The following STAMBP variants were observed in gnomAD, a reference collection of about 807,000 sequenced individuals.
STAMBP encodes the protein STAM binding protein, also known as STAM-binding protein.
Under a neutral mutation model 50.7 loss-of-function variants are expected in STAMBP, and 31 were observed. The ratio of observed to expected loss-of-function variants is 0.61; its 90% CI spans 0.46 to 0.83. The LOEUF (loss-of-function observed/expected upper bound fraction) is 0.83, where lower values mean the gene tolerates loss of function less well. Among genes scored for constraint, STAMBP ranks in the 40% least tolerant of loss-of-function variants. The probability of loss-of-function intolerance (pLI) is 0.00; values close to 1 mark genes in which losing one functional copy is unlikely to be tolerated. For synonymous variants in STAMBP, 211 were observed against 192.4 expected, an observed-to-expected ratio of 1.10 and a Z score of -0.80; for missense variants, 472 against 518.9, an observed-to-expected ratio of 0.91 and a Z score of 0.88.
At position 73,847,586 on chromosome 2, in the gene STAMBP, T is replaced by C; in HGVS notation, c.575T>C (p.Leu192Pro). ...GAGTTTGGGAAGGTAGACCCTGGCC[T>C]AGGTGGCCCGCTAGTGCCTGACTTG... is the stretch of plus-strand genomic sequence containing the variant. ...VQEFGKVDPG[L>P]GGPLVPDLEK... The change falls in exon 5 of 10, where the codon CTA becomes CCA. Residue 192 changes from leucine to proline, a missense_variant. Coordinates refer to ENST00000394070, the MANE Select transcript of STAMBP (RefSeq NM_213622.4). 6.2e-7 allele frequency: 1 copy of C among 1,614,196 alleles called. No individual in the cohort carries two copies. Among genetic ancestry groups the C allele is most frequent in the East Asian group, 2.2e-5 (1 of 44,888 alleles).
chr2:73,838,436 A>G (rs1389098070), intron 2 of STAMBP, among the ~76,000 whole-genome samples: 1 of 152,186 alleles, frequency 6.6e-6, no homozygotes, highest in Non-Finnish European at 1.5e-5. Context: ...GAAGTAGTTG[A>G]TGGGGGACAA....
At chr2:73,846,217 C>T (rs1321963406) in intron 4 of STAMBP, among the ~76,000 whole-genome samples, 1 of 151,680 alleles carries the variant, frequency 6.6e-6, no homozygotes, top group African/African-American at 2.4e-5. Context: ...CCAAATGCCT[C>T]TCAAGTATTT....
At chr2:73,855,465 G>C (rs1481815262) in intron 7 of STAMBP, among the ~76,000 whole-genome samples, 1 of 152,224 alleles carries the variant, frequency 6.6e-6, no homozygotes, top group Non-Finnish European at 1.5e-5. Flanking sequence ...TTCTGTTTAA[G>C]AGTTGTTTAC....
intron 2 of STAMBP, among the ~76,000 whole-genome samples, chr2:73,836,905 C>T (rs565494921): frequency 1.8e-4 from 27 of 152,244 alleles, no homozygotes; most frequent in African/African-American, 5.8e-4. Flanking sequence ...ACTAGGTCCC[C>T]GGGGCTCAGG....
intron 2 of STAMBP, among the ~76,000 whole-genome samples, chr2:73,841,376 T>TA (rs895142689): frequency 7.9e-5 from 12 of 152,000 alleles, no homozygotes; most frequent in Admixed American, 2.6e-4. Flanking sequence ...GTTTATTAGT[T>TA]AAAAAAAATC....
intron 7 of STAMBP, among the ~76,000 whole-genome samples, chr2:73,856,835 T>C (rs145098853): frequency 6.6e-6 from 1 of 152,316 alleles, no homozygotes; most frequent in African/African-American, 2.4e-5. Context: ...CTGGTGATCT[T>C]TGTGCAGCAG....
chr2:73,868,213 C>G (rs1472513900), downstream of STAMBP, among the ~76,000 whole-genome samples: 2 of 151,540 alleles, frequency 1.3e-5, no homozygotes, highest in East Asian at 3.9e-4. Flanking sequence ...CACACACACA[C>G]TTCACATCAA....
chr2:73,845,633 ATT>A (rs944316554), intron 4 of STAMBP, among the ~76,000 whole-genome samples: 31 of 136,542 alleles, frequency 2.3e-4, no homozygotes, highest in Admixed American at 2.2e-4. Context: ...TTTTCAAGCT[ATT>A]TTTTTTTTTT....
rs1438192976 is a variant in STAMBP, at chr2:73,867,122, A to T, written c.*4863A>T. Reference sequence around the variant, plus strand: ...TTTGTACTGAGTCCCCTGACATGGAATAAGATATGAATAAATGCACAGACT... The same window carrying T: ...TTTGTACTGAGTCCCCTGACATGGATTAAGATATGAATAAATGCACAGACT... On this transcript the variant is annotated 3_prime_UTR_variant, in exon 10 of 10. Coordinates refer to ENST00000394070, the MANE Select transcript of STAMBP (RefSeq NM_213622.4). 4 of 152,250 alleles carry T rather than the reference A, an allele frequency of 2.6e-5. No homozygotes were observed. Among genetic ancestry groups the T allele is most frequent in the African/African-American group, 9.6e-5 (4 of 41,468 alleles). The allele number at this position is 152,250 out of a possible 1,614,324, so 9.4% of individuals were successfully genotyped here. A position where few individuals can be genotyped will look rare whatever the true frequency, so the allele number is the denominator to read the frequency against.
chr2:73,848,799 G>A (rs1303124310), intron 5 of STAMBP, among the ~76,000 whole-genome samples: 10 of 152,232 alleles, frequency 6.6e-5, no homozygotes, highest in Non-Finnish European at 2.9e-5. Context: ...ACAGCAGGGA[G>A]GTTATTTTTT....
At position 73,847,651 on chromosome 2, in the gene STAMBP, T is replaced by C; in HGVS notation, c.640T>C (p.Ser214Pro). ...SLDVFPTLTV[S>P]SIQPSDCHTT... ...AGATGTGTTCCCCACCTTAACAGTC[T>C]CATCCATACAGCCTTCAGACTGTCA... Residue 214 changes from serine to proline, a missense_variant, in exon 5 of 10, where the codon TCA (serine) becomes CCA (proline). By Grantham distance (74) the Ser-to-Pro change is moderately conservative. Coordinates refer to ENST00000394070, the MANE Select transcript of STAMBP (RefSeq NM_213622.4). 1 of 1,614,206 alleles carries C rather than the reference T, an allele frequency of 6.2e-7. No homozygotes were observed. Among genetic ancestry groups the C allele is most frequent in the South Asian group, 1.1e-5 (1 of 91,084 alleles).
chr2:73,847,243 C>G, intron 4 of STAMBP, 144 bp from the exon 5 acceptor site: 1 of 1,013,604 alleles, frequency 9.9e-7, no homozygotes, highest in Non-Finnish European at 1.4e-6. Flanking sequence ...TATAAAGATA[C>G]TGAGGAAAGC....
chr2:73,846,835 G>T lies in STAMBP; in HGVS notation c.376-552G>T, dbSNP rs1332915880. ...TGTGGCTCACACCTGGAATCCCAGC[G>T]CTTCGGGAGGCCGAGGTGGGCAGAT... On this transcript the variant is annotated intron_variant, in intron 4 of 9. Transcript: ENST00000394070. 2.0e-5 allele frequency among the ~76,000 whole-genome samples: 3 copies of T among 151,964 alleles called. No homozygotes were observed. The South Asian group carries it at 6.3e-4, about 32-fold the overall frequency.
intron 7 of STAMBP, 45 bp from the exon 8 acceptor site, chr2:73,859,209 C>A: frequency 6.7e-7 from 1 of 1,501,056 alleles, no homozygotes; most frequent in South Asian, 1.1e-5. Context: ...GAGGGATTAC[C>A]ATATATCCTC....
chr2:73,840,380 A>G (rs540882438), intron 2 of STAMBP, among the ~76,000 whole-genome samples: 32 of 142,920 alleles, frequency 2.2e-4, no homozygotes, highest in African/African-American at 8.5e-4. Flanking sequence ...TTTTATACAT[A>G]TATCTTTGTA....
intron 2 of STAMBP, among the ~76,000 whole-genome samples, chr2:73,832,108 T>TTATATATATATATAC (rs1553376120): frequency 1.6e-5 from 2 of 122,902 alleles, no homozygotes; most frequent in Non-Finnish European, 3.2e-5. Flanking sequence ...TATATATATA[T>TTATATATATATATAC]ACACATATAT....
chr2:73,863,559 T>C lies in STAMBP; in HGVS notation c.*1300T>C, dbSNP rs1029937680. ...CTTGTCCCCTGAAAGAGCCCAGTTC[T>C]CTATATTCTTTTTCTTCTCTTGGGT... On this transcript the variant is annotated 3_prime_UTR_variant, in exon 10 of 10. Transcript: ENST00000394070. The C allele has an allele frequency of 1.3e-5, 2 of 152,358 alleles. No homozygotes were observed. The highest frequency in any genetic ancestry group is 1.9e-4 in the East Asian group (1 of 5,190). 9.4% of individuals were successfully genotyped at this position (152,358 alleles called of 1,614,324 possible). A position where few individuals can be genotyped will look rare whatever the true frequency, so the allele number is the denominator to read the frequency against.
At chr2:73,849,887 T>C (rs966349609) in intron 6 of STAMBP, among the ~76,000 whole-genome samples, 2 of 152,116 alleles carry the variant, frequency 1.3e-5, no homozygotes, top group African/African-American at 4.8e-5. Context: ...CTGAAAAATA[T>C]GTACAGTATA....
At chr2:73,843,764 G>A (rs1196295095) in intron 2 of STAMBP, among the ~76,000 whole-genome samples, 1 of 152,166 alleles carries the variant, frequency 6.6e-6, no homozygotes, top group Non-Finnish European at 1.5e-5. Context: ...CTTTATTGAG[G>A]ATTCTTCTTC....
Sources: gnomAD v4.1 joint callset for allele counts (sites outside exome capture counted in the v4.1 genomes callset) on GRCh38, gnomAD v4.1.1 for gene constraint, MANE v1.5 for transcripts, NCBI Gene and HGNC (gene_info 2026-07-23, HGNC 2026-07-21) for gene names.